The following CLEC16A variants were observed in gnomAD, a reference collection of about 807,000 sequenced individuals.
CLEC16A encodes the protein C-type lectin domain containing 16A, also known as protein CLEC16A.
A neutral mutation model predicts 109.5 loss-of-function variants in CLEC16A; 51 were observed. The ratio of observed to expected loss-of-function variants is 0.47; its 90% CI spans 0.37 to 0.59. The LOEUF (loss-of-function observed/expected upper bound fraction) is 0.59. Ranked by LOEUF, CLEC16A falls within the 20% of genes least tolerant of loss-of-function variation. The pLI is 0.00. For missense variants in CLEC16A, 1,339 were observed against 1,394.0 expected (o/e 0.96, Z 0.63); for synonymous variants, 673 against 564.2 (o/e 1.19, Z -2.73).
chr16:11,036,579 T>C (rs181218161), intron 13 of CLEC16A, among the ~76,000 whole-genome samples: 5 of 146,254 alleles, frequency 3.4e-5, no homozygotes, highest in African/African-American at 1.0e-4. Flanking sequence ...GACAAGAGTC[T>C]CGCTCTGTCA....
intron 13 of CLEC16A, among the ~76,000 whole-genome samples, chr16:11,034,167 A>T (rs2046897571): frequency 6.6e-6 from 1 of 152,248 alleles, no homozygotes; most frequent in Non-Finnish European, 1.5e-5. Flanking sequence ...GAGAACTTGC[A>T]CAACGTCAGT....
At chr16:11,025,976 A>G (rs1344099440) in intron 13 of CLEC16A, among the ~76,000 whole-genome samples, 2 of 152,198 alleles carry the variant, frequency 1.3e-5, no homozygotes, top group Non-Finnish European at 2.9e-5. Flanking sequence ...GGAGATACCC[A>G]TATTGTGCTT....
intron 19 of CLEC16A, among the ~76,000 whole-genome samples, chr16:11,100,013 C>T (rs1293469818): frequency 1.3e-5 from 2 of 152,136 alleles, no homozygotes; most frequent in Non-Finnish European, 2.9e-5. Flanking sequence ...AGGCTCTACA[C>T]CCCTGCCAAC....
chr16:10,954,075 A>G lies in CLEC16A; in HGVS notation c.81-3707A>G, dbSNP rs1221706741. Among the ~76,000 whole-genome samples the G allele has an allele frequency of 1.3e-5, 2 of 152,262 alleles. No homozygotes were observed. The highest frequency in any genetic ancestry group is 2.1e-4 in the South Asian group (1 of 4,826). On this transcript the variant is annotated intron_variant, in intron 1 of 23. Transcript: ENST00000409790. This position sits in a 1 kb window ranked among gnomAD's most constrained non-coding sequence, Gnocchi z 4.2. ...ATATGAACAGGCACCCGGTTTCACT[A>G]CTGGAAGAAAGCCCCCACGCAATAT... is the stretch of plus-strand genomic sequence containing the variant.
intron 10 of CLEC16A, among the ~76,000 whole-genome samples, chr16:10,989,521 C>G (rs2043873178): frequency 1.3e-5 from 2 of 152,186 alleles, no homozygotes; most frequent in Non-Finnish European, 2.9e-5. Context: ...AGGCATGAGC[C>G]ATCACACCCA....
At chr16:11,059,011 A>G (rs2048348979) in intron 18 of CLEC16A, among the ~76,000 whole-genome samples, 1 of 152,106 alleles carries the variant, frequency 6.6e-6, no homozygotes, top group African/African-American at 2.4e-5. Flanking sequence ...ACTGCCATGG[A>G]TGTTTAAGTT....
chr16:10,981,874 C>T (rs1477515315), intron 9 of CLEC16A, among the ~76,000 whole-genome samples: 1 of 152,118 alleles, frequency 6.6e-6, no homozygotes, highest in East Asian at 1.9e-4. Context: ...TGGGGAGATG[C>T]ATTCAGTTGT....
intron 11 of CLEC16A, among the ~76,000 whole-genome samples, chr16:11,010,538 T>G (rs111979546): frequency 9.0e-4 from 137 of 152,294 alleles, no homozygotes; most frequent in Admixed American, 1.4e-3. Context: ...ACTTTCCTAT[T>G]GTATTTTCTC....
intron 1 of CLEC16A, among the ~76,000 whole-genome samples, chr16:10,952,528 G>A (rs143382720): frequency 9.1e-4 from 139 of 152,304 alleles, no homozygotes; most frequent in African/African-American, 3.3e-3. Context: ...TTATTAAAAT[G>A]TTTATATCTC....
chr16:11,060,543 C>T, intron 18 of CLEC16A, among the ~76,000 whole-genome samples: 1 of 152,168 alleles, frequency 6.6e-6, no homozygotes, highest in Admixed American at 6.5e-5. Flanking sequence ...GGTCACTTCA[C>T]CTTCTTAGGT....
rs1301985729 is a variant in CLEC16A, at chr16:10,957,996, G to A, written c.209+86G>A. 3 of 1,333,642 alleles carry A rather than the reference G, an allele frequency of 2.2e-6. No homozygotes were observed. The Admixed American group carries it at 5.7e-5, about 25-fold the overall frequency. 82.6% of individuals were successfully genotyped at this position (1,333,642 alleles called of 1,614,324 possible). On this transcript the variant is annotated intron_variant, in intron 2 of 23. Transcript: ENST00000409790. Reference sequence around the variant, plus strand: ...TATACTATGAGTCATTCTGGATGATGTCAGGATTTGACGCTAATTTGATCT... The same window carrying A: ...TATACTATGAGTCATTCTGGATGATATCAGGATTTGACGCTAATTTGATCT...
At chr16:11,127,499 T>G (rs930329511) in intron 22 of CLEC16A, among the ~76,000 whole-genome samples, 2 of 152,200 alleles carry the variant, frequency 1.3e-5, no homozygotes, top group African/African-American at 2.4e-5. Flanking sequence ...ATATATGTAG[T>G]CCCAACGTGA....
intron 12 of CLEC16A, among the ~76,000 whole-genome samples, chr16:11,022,957 G>A (rs981955976): frequency 2.0e-5 from 3 of 147,484 alleles, no homozygotes; most frequent in Non-Finnish European, 4.5e-5. Context: ...TAAAGCTTTC[G>A]AAACATCGTT....
intron 19 of CLEC16A, among the ~76,000 whole-genome samples, chr16:11,072,519 T>A (rs939958754): frequency 2.6e-5 from 4 of 152,096 alleles, no homozygotes; most frequent in African/African-American, 9.7e-5. Context: ...AATCCAACAT[T>A]TAATAGATGG....
chr16:11,008,540 CA>C (rs951447675), intron 11 of CLEC16A, among the ~76,000 whole-genome samples: 4 of 152,044 alleles, frequency 2.6e-5, no homozygotes, highest in African/African-American at 9.7e-5. Flanking sequence ...TCTCCTGGCC[CA>C]CACCAGTGCC....
At chr16:10,967,551 A>T (rs900690072) in intron 3 of CLEC16A, among the ~76,000 whole-genome samples, 4 of 152,142 alleles carry the variant, frequency 2.6e-5, no homozygotes, top group Non-Finnish European at 4.4e-5. Context: ...TGAGATTTTG[A>T]ATCTCCGAAT....
intron 1 of CLEC16A, among the ~76,000 whole-genome samples, chr16:10,945,063 C>T (rs1443777422): frequency 6.6e-6 from 1 of 152,140 alleles, no homozygotes; most frequent in Non-Finnish European, 1.5e-5. Context: ...GATGCGATTT[C>T]AGTTTATGGA....
intron 22 of CLEC16A, chr16:11,126,637 A>T: frequency 4.0e-6 from 1 of 247,652 alleles, no homozygotes; most frequent in Admixed American, 5.3e-5. Context: ...CTCATCTCTA[A>T]CCCTGCTCCT....
chr16:10,971,031 T>TTTTTTTTAG, intron 4 of CLEC16A, 94 bp from the exon 5 acceptor site: 1 of 675,490 alleles, frequency 1.5e-6, no homozygotes, highest in Non-Finnish European at 2.4e-6. Context: ...TTTTTGTCTT[T>TTTTTTTTAG]TTCTGAAGTC....
Sources: allele counts gnomAD v4.1 joint callset (sites outside exome capture counted in the v4.1 genomes callset), GRCh38; gene constraint gnomAD v4.1.1; non-coding constraint Gnocchi (gnomAD v3.1); transcripts MANE v1.5; gene names NCBI Gene and HGNC (gene_info 2026-07-23, HGNC 2026-07-21).